Variants in PPP4R4 observed in about 807,000 individuals in gnomAD.
PPP4R4 encodes protein phosphatase 4 regulatory subunit 4, also known as serine/threonine-protein phosphatase 4 regulatory subunit 4.
In PPP4R4, 70 loss-of-function variants were observed where a neutral mutation model predicts 121.8. The observed-to-expected ratio is 0.57, with a 90% CI of 0.47 to 0.70. The LOEUF (loss-of-function observed/expected upper bound fraction) is 0.70. PPP4R4 is among the 30% of genes least tolerant of loss of function. The probability of loss-of-function intolerance (pLI) is 0.00; values close to 1 mark genes in which losing one functional copy is unlikely to be tolerated. For missense variants in PPP4R4, 875 were observed against 1,033.6 expected, an observed-to-expected ratio of 0.85 and a Z score of 2.10; for synonymous variants, 348 against 355.7, an observed-to-expected ratio of 0.98 and a Z score of 0.24.
At chr14:94,262,857 T>A (rs1893854810) in intron 19 of PPP4R4, among the ~76,000 whole-genome samples, 1 of 152,072 alleles carries the variant, frequency 6.6e-6, no homozygotes, top group African/African-American at 2.4e-5. Flanking sequence ...TATTTTTACC[T>A]TCATTCCTGA....
At chr14:94,273,481 G>A (rs1466190755) in intron 23 of PPP4R4, among the ~76,000 whole-genome samples, 2 of 152,018 alleles carry the variant, frequency 1.3e-5, no homozygotes, top group Non-Finnish European at 2.9e-5. Flanking sequence ...AATAGATGGA[G>A]CACAGATAAT....
chr14:94,177,167 T>TCAA (rs1393339557), intron 2 of PPP4R4, among the ~76,000 whole-genome samples: 3 of 152,226 alleles, frequency 2.0e-5, no homozygotes, highest in Non-Finnish European at 4.4e-5. Flanking sequence ...GTAACTTTAG[T>TCAA]CAGAATATCA....
At chr14:94,219,833 A>C (rs1891288712) in intron 3 of PPP4R4, among the ~76,000 whole-genome samples, 4 of 152,170 alleles carry the variant, frequency 2.6e-5, no homozygotes, top group Admixed American at 6.5e-5. Flanking sequence ...GTGATGACAC[A>C]CACCTGTAAT....
At chr14:94,185,609 G>A (rs1595449372) in intron 2 of PPP4R4, among the ~76,000 whole-genome samples, 1 of 152,236 alleles carries the variant, frequency 6.6e-6, no homozygotes, top group South Asian at 2.1e-4. Context: ...CTTGGTACAG[G>A]GTAGTGTTCA....
intron 24 of PPP4R4, among the ~76,000 whole-genome samples, chr14:94,276,883 G>GA (rs1222635478): frequency 1.3e-5 from 2 of 152,094 alleles, no homozygotes; most frequent in South Asian, 2.1e-4. Flanking sequence ...AATAGTAATA[G>GA]AAAAAAATGA....
chr14:94,269,283 C>A (rs557699095), intron 23 of PPP4R4, among the ~76,000 whole-genome samples: 1 of 152,162 alleles, frequency 6.6e-6, no homozygotes, highest in South Asian at 2.1e-4. Flanking sequence ...ATTCACAGTA[C>A]CGGTCATAAA....
chr14:94,233,315 T>C (rs1405245322), intron 5 of PPP4R4, among the ~76,000 whole-genome samples: 4 of 152,234 alleles, frequency 2.6e-5, no homozygotes, highest in Non-Finnish European at 4.4e-5. Context: ...GGAATAAAAA[T>C]ACATTTCAAG....
intron 3 of PPP4R4, among the ~76,000 whole-genome samples, chr14:94,218,693 ACGCGCG>A (rs1190953999): frequency 3.8e-4 from 29 of 76,494 alleles, no homozygotes; most frequent in Admixed American, 1.5e-3. Context: ...TAGACACTGC[ACGCGCG>A]CGCGCGCACA....
At chr14:94,198,244 GA>G (rs1889988332) in intron 2 of PPP4R4, among the ~76,000 whole-genome samples, 1 of 152,176 alleles carries the variant, frequency 6.6e-6, no homozygotes, top group South Asian at 2.1e-4. Context: ...AATGTGTAGT[GA>G]TATCTCATTG....
At chr14:94,258,635 T>C (rs1893603886) in intron 17 of PPP4R4, 148 bp from the exon 18 acceptor site, 2 of 639,204 alleles carry the variant, frequency 3.1e-6, no homozygotes, top group African/African-American at 1.9e-5. Context: ...CAATGTAGAA[T>C]TGGGCAGAAC....
At position 94,251,745 on chromosome 14, in the gene PPP4R4, C is replaced by G. The variant is rs1253062286; in HGVS notation, c.1718-4C>G. 6.5e-7 allele frequency: 1 copy of G among 1,527,380 alleles called. No homozygotes were observed. Among genetic ancestry groups the G allele is most frequent in the South Asian group, 1.3e-5 (1 of 77,040 alleles). The allele number at this position is 1,527,380 out of a possible 1,614,324, so 94.6% of individuals were successfully genotyped here. A position where few individuals can be genotyped will look rare whatever the true frequency, so the allele number is the denominator to read the frequency against. ...CTTAAGATAATTTTTGTTGTTGTTT[C>G]TAGAATTGGGCCAAGGAAAAAGTTA... On this transcript the variant is annotated splice_region_variant and splice_polypyrimidine_tract_variant and intron_variant, in intron 15 of 24. Transcript: ENST00000304338.
At chr14:94,186,770 TTTTTAA>T (rs1426874134) in intron 2 of PPP4R4, among the ~76,000 whole-genome samples, 1 of 152,212 alleles carries the variant, frequency 6.6e-6, no homozygotes, top group South Asian at 2.1e-4. Flanking sequence ...ATGATCAGTC[TTTTTAA>T]TTTTAAGTCA....
chr14:94,259,455 T>G lies in PPP4R4; in HGVS notation c.2127+86T>G. 3 of 1,365,114 alleles carry G rather than the reference T, an allele frequency of 2.2e-6. No homozygotes were observed. In the East Asian group the frequency reaches 8.3e-5, roughly 38 times the overall value. 84.6% of individuals were successfully genotyped at this position (1,365,114 alleles called of 1,614,324 possible). On this transcript the variant is annotated intron_variant, in intron 19 of 24. Coordinates refer to ENST00000304338, the MANE Select transcript of PPP4R4 (RefSeq NM_058237.2). ...ATTAAACTTAATCATTTCTTTCCAT[T>G]TCACCATTTCACATTACTCTTTTTT...
At chr14:94,257,217 T>C (rs955506701) in intron 17 of PPP4R4, among the ~76,000 whole-genome samples, 5 of 152,086 alleles carry the variant, frequency 3.3e-5, no homozygotes, top group African/African-American at 1.2e-4. Context: ...TTTGGAGATG[T>C]TGGAAAAACT....
chr14:94,231,448 G>A, intron 5 of PPP4R4, 133 bp downstream of exon 5: 2 of 616,952 alleles, frequency 3.2e-6, no homozygotes, highest in Non-Finnish European at 5.5e-6. Context: ...GCACATTGGA[G>A]GAAATTTGAG....
intron 19 of PPP4R4, among the ~76,000 whole-genome samples, chr14:94,260,424 C>T (rs1229587501): frequency 6.6e-6 from 1 of 151,614 alleles, no homozygotes; most frequent in Non-Finnish European, 1.5e-5. Flanking sequence ...AGACTCTGTC[C>T]CCCCAAAAAA....
chr14:94,251,365 A>G (rs1398734026), intron 15 of PPP4R4, among the ~76,000 whole-genome samples: 2 of 152,028 alleles, frequency 1.3e-5, no homozygotes, highest in African/African-American at 4.8e-5. Context: ...TAAACTCACT[A>G]AATCTTAGTA....
chr14:94,221,234 C>T (rs1368137349), intron 3 of PPP4R4, among the ~76,000 whole-genome samples: 1 of 151,990 alleles, frequency 6.6e-6, no homozygotes, highest in Non-Finnish European at 1.5e-5. Context: ...GATCATAGAC[C>T]TAAATGTTAA....
intron 2 of PPP4R4, among the ~76,000 whole-genome samples, chr14:94,200,954 T>C (rs1291767408): frequency 6.6e-6 from 1 of 152,156 alleles, no homozygotes; most frequent in Non-Finnish European, 1.5e-5. Context: ...CTTTTTGATG[T>C]AGACATTTAA....
Sources: gnomAD v4.1 joint callset for allele counts (sites outside exome capture counted in the v4.1 genomes callset) on GRCh38, gnomAD v4.1.1 for gene constraint, MANE v1.5 for transcripts, NCBI Gene and HGNC (gene_info 2026-07-23, HGNC 2026-07-21) for gene names.